UNC5C: variants seen among roughly 807,000 people sequenced by gnomAD.
UNC5C encodes the protein unc-5 netrin receptor C, also known as netrin receptor UNC5C.
UNC5C carries 47 observed loss-of-function variants against 99.8 expected under a neutral mutation model. That is an observed-to-expected ratio of 0.47 (90% CI 0.37 to 0.60). The LOEUF is 0.60. UNC5C is among the 20% of genes least tolerant of loss of function. UNC5C has a pLI of 0.00. For missense variants in UNC5C, 1,062 were observed against 1,165.9 expected (o/e 0.91, Z 1.30); for synonymous variants, 487 against 452.2 (o/e 1.08, Z -0.98).
chr4:95,261,917 A>G (rs893413132), intron 4 of UNC5C, among the ~76,000 whole-genome samples: 3 of 152,058 alleles, frequency 2.0e-5, no homozygotes, highest in African/African-American at 7.2e-5. Context: ...GTTAGCCAGG[A>G]TGGTCTCGAT....
At chr4:95,230,129 T>C (rs1738855601) in intron 7 of UNC5C, among the ~76,000 whole-genome samples, 2 of 152,140 alleles carry the variant, frequency 1.3e-5, no homozygotes, top group Admixed American at 6.5e-5. Flanking sequence ...GACTTTTTAA[T>C]GATCACCATT....
chr4:95,487,078 G>T (rs1484138080), intron 1 of UNC5C, among the ~76,000 whole-genome samples: 1 of 151,664 alleles, frequency 6.6e-6, no homozygotes, highest in Non-Finnish European at 1.5e-5. Context: ...CTGGATCTTA[G>T]ACTTCCCAAC....
intron 10 of UNC5C, among the ~76,000 whole-genome samples, chr4:95,210,574 A>G (rs1451580826): frequency 1.3e-5 from 2 of 152,228 alleles, no homozygotes; most frequent in African/African-American, 4.8e-5. Flanking sequence ...TAAGCAATTC[A>G]AGCAGTCTGT....
At chr4:95,361,477 C>A (rs1579357861) in intron 1 of UNC5C, among the ~76,000 whole-genome samples, 1 of 152,178 alleles carries the variant, frequency 6.6e-6, no homozygotes, top group South Asian at 2.1e-4. Flanking sequence ...ATGTGATCAC[C>A]AAGGATGTGC....
chr4:95,218,083 A>T (rs1051039310), intron 9 of UNC5C, among the ~76,000 whole-genome samples: 3 of 152,228 alleles, frequency 2.0e-5, no homozygotes, highest in African/African-American at 7.2e-5. Context: ...TTTGGTCTGT[A>T]TATTCCTTGA....
Position 95,166,973 on chromosome 4 carries a change from G to A in UNC5C, c.*2261C>T, listed in dbSNP as rs1315343528. ...TCCTAATGCAGGGGGTGGGCTGAGAGAGATTTTATAGAATATATGTATGTA... is the reference window on the plus strand; with the variant it reads ...TCCTAATGCAGGGGGTGGGCTGAGAAAGATTTTATAGAATATATGTATGTA... On this transcript the variant is annotated 3_prime_UTR_variant, in exon 16 of 16. Transcript: ENST00000453304. 1 of 131,204 alleles carries A rather than the reference G, an allele frequency of 7.6e-6. No homozygotes were observed. The highest frequency in any genetic ancestry group is 8.5e-5 in the Admixed American group (1 of 11,710). The allele number at this position is 131,204 out of a possible 1,614,324, so 8.1% of individuals were successfully genotyped here.
At chr4:95,419,099 G>T (rs1746249340) in intron 1 of UNC5C, among the ~76,000 whole-genome samples, 2 of 152,072 alleles carry the variant, frequency 1.3e-5, no homozygotes, top group African/African-American at 4.8e-5. Flanking sequence ...GACTTCCTTA[G>T]ATAAGTCAGT....
intron 12 of UNC5C, among the ~76,000 whole-genome samples, chr4:95,200,946 A>G (rs938305605): frequency 2.6e-5 from 4 of 152,014 alleles, no homozygotes; most frequent in African/African-American, 9.7e-5. Context: ...TGATTAGGTC[A>G]TAAAGGTGGT....
intron 1 of UNC5C, among the ~76,000 whole-genome samples, chr4:95,493,656 A>G (rs1236657270): frequency 3.3e-5 from 5 of 151,320 alleles, no homozygotes; most frequent in African/African-American, 1.2e-4. Context: ...TTAAGTACTC[A>G]TTTCTAACTG....
chr4:95,329,169 G>A lies in UNC5C; in HGVS notation c.346+6241C>T, dbSNP rs143249746. Among the ~76,000 whole-genome samples the A allele has an allele frequency of 5.4e-3, 821 of 152,194 alleles. 6 individuals are homozygous for A. The highest frequency in any genetic ancestry group is 0.018 in the African/African-American group (745 of 41,536). On this transcript the variant is annotated intron_variant, in intron 2 of 15. Transcript: ENST00000453304. The stretch of plus-strand genomic sequence containing the variant: ...AGTCAGGCATGGTGGTGTGCCTGTA[G>A]TTGTAGCTATTTGGGAGGCTGAGGT...
At chr4:95,407,872 G>A (rs1745873228) in intron 1 of UNC5C, among the ~76,000 whole-genome samples, 1 of 152,122 alleles carries the variant, frequency 6.6e-6, no homozygotes, top group Non-Finnish European at 1.5e-5. Context: ...ATTTGCAATA[G>A]TTGAAAGTCA....
chr4:95,460,191 T>G (rs1747557942), intron 1 of UNC5C, among the ~76,000 whole-genome samples: 1 of 113,878 alleles, frequency 8.8e-6, no homozygotes, highest in South Asian at 3.5e-4. Flanking sequence ...GAACTGTCCA[T>G]GTGGTGTTTT....
intron 12 of UNC5C, among the ~76,000 whole-genome samples, chr4:95,195,413 A>G (rs1316196805): frequency 6.6e-6 from 1 of 152,122 alleles, no homozygotes; most frequent in African/African-American, 2.4e-5. Context: ...ACATGTGAAT[A>G]TATTAGTTTA....
At chr4:95,456,912 ATGAC>A (rs1440914177) in intron 1 of UNC5C, among the ~76,000 whole-genome samples, 1 of 152,128 alleles carries the variant, frequency 6.6e-6, no homozygotes, top group Non-Finnish European at 1.5e-5. Context: ...CACTGAAGAA[ATGAC>A]TGACTTTTAA....
At chr4:95,199,721 A>G (rs1377239654) in intron 12 of UNC5C, among the ~76,000 whole-genome samples, 1 of 152,176 alleles carries the variant, frequency 6.6e-6, no homozygotes, top group Non-Finnish European at 1.5e-5. Flanking sequence ...AAATATGTAA[A>G]TCAAACACTT....
At chr4:95,181,148 C>A (rs1241887117) in intron 14 of UNC5C, among the ~76,000 whole-genome samples, 1 of 152,184 alleles carries the variant, frequency 6.6e-6, no homozygotes, top group Non-Finnish European at 1.5e-5. Flanking sequence ...TGACTCCCCT[C>A]ACTTCTTCCC....
intron 12 of UNC5C, among the ~76,000 whole-genome samples, chr4:95,201,825 T>G (rs192673726): frequency 1.3e-5 from 2 of 152,114 alleles, no homozygotes; most frequent in Admixed American, 6.6e-5. Context: ...AGGATGGTCT[T>G]GATCTCCTGA....
chr4:95,493,470 C>A (rs1721554493), intron 1 of UNC5C, among the ~76,000 whole-genome samples: 1 of 151,344 alleles, frequency 6.6e-6, no homozygotes, highest in Non-Finnish European at 1.5e-5. Context: ...AGAGAATTTT[C>A]TGAATATTTT....
intron 1 of UNC5C, among the ~76,000 whole-genome samples, chr4:95,356,232 AT>A (rs1469064549): frequency 1.4e-5 from 2 of 147,040 alleles, no homozygotes; most frequent in African/African-American, 5.0e-5. Context: ...AAAAAAACAG[AT>A]TCCTCGTTCT....
Sources: allele counts gnomAD v4.1 joint callset (sites outside exome capture counted in the v4.1 genomes callset), GRCh38; gene constraint gnomAD v4.1.1; transcripts MANE v1.5; gene names NCBI Gene and HGNC (gene_info 2026-07-23, HGNC 2026-07-21).